Variants in DNAAF9 observed in about 807,000 individuals in gnomAD.
DNAAF9 encodes the protein dynein axonemal assembly factor 9, also known as shulin.
Under a neutral mutation model 167.0 loss-of-function variants are expected in DNAAF9, and 90 were observed. The ratio of observed to expected loss-of-function variants is 0.54; its 90% confidence interval spans 0.45 to 0.64. The LOEUF is 0.64. Among genes scored for constraint, DNAAF9 ranks in the 30% least tolerant of loss-of-function variants. The pLI, the probability that DNAAF9 is intolerant of heterozygous loss-of-function variation, is 0.00. For missense variants in DNAAF9, 1,315 were observed against 1,442.2 expected (o/e 0.91, Z 1.43); for synonymous variants, 491 against 508.8 (o/e 0.96, Z 0.47).
chr20:3,407,010 C>A (rs1364594888), intron 1 of DNAAF9, among the ~76,000 whole-genome samples: 1 of 151,980 alleles, frequency 6.6e-6, no homozygotes, highest in Non-Finnish European at 1.5e-5. Flanking sequence ...GGGTTCTACA[C>A]GAGGGAGCTA....
chr20:3,379,107 G>T (rs1371984563), intron 3 of DNAAF9, among the ~76,000 whole-genome samples: 1 of 151,820 alleles, frequency 6.6e-6, no homozygotes. Flanking sequence ...AGGGCTTCTG[G>T]TGTGTATTAT....
intron 10 of DNAAF9, among the ~76,000 whole-genome samples, chr20:3,337,109 G>A (rs561462495): frequency 6.6e-6 from 1 of 151,194 alleles, no homozygotes; most frequent in Non-Finnish European, 1.5e-5. Context: ...TCGATTTCCT[G>A]ACCTCGTGAT....
intron 21 of DNAAF9, among the ~76,000 whole-genome samples, chr20:3,302,013 G>T (rs999795612): frequency 6.6e-5 from 10 of 152,000 alleles, no homozygotes; most frequent in African/African-American, 2.4e-4. Flanking sequence ...TGGGATCTTG[G>T]CTCACTGCAA....
chr20:3,300,028 G>A (rs543402390), intron 21 of DNAAF9, among the ~76,000 whole-genome samples: 13 of 151,960 alleles, frequency 8.6e-5, no homozygotes, highest in Admixed American at 3.9e-4. Context: ...TCAGCCTTCC[G>A]AGTAGCTGGG....
chr20:3,274,572 C>A (rs186732077), intron 29 of DNAAF9, among the ~76,000 whole-genome samples: 2 of 152,318 alleles, frequency 1.3e-5, no homozygotes, highest in Non-Finnish European at 2.9e-5. Context: ...TGATACTAGA[C>A]AAATTGCTCT....
intron 1 of DNAAF9, among the ~76,000 whole-genome samples, chr20:3,383,326 TAC>T (rs1386965585): frequency 2.7e-5 from 4 of 145,796 alleles, no homozygotes; most frequent in South Asian, 2.2e-4. Flanking sequence ...CAGGCTGAAG[TAC>T]AGTGATCTTG....
rs376756053 is a variant in DNAAF9, at chr20:3,371,498, C to T, written c.612+2550G>A. On this transcript the variant is annotated intron_variant, in intron 6 of 36. Transcript: ENST00000252032. Reference sequence around the variant, plus strand: ...AGCTGGGACTACAGGCGCCTGCCACCACGCCCGGCTAATTTTTTGTATTTT... The same window carrying T: ...AGCTGGGACTACAGGCGCCTGCCACTACGCCCGGCTAATTTTTTGTATTTT... 5.4e-3 allele frequency among the ~76,000 whole-genome samples: 826 copies of T among 151,948 alleles called. 2 individuals are homozygous for T. Among genetic ancestry groups the T allele is most frequent in the Middle Eastern group, 6.8e-3 (2 of 292 alleles).
rs371497113 is a variant in DNAAF9 at position 3,376,248 on chromosome 20, T to A, written c.338A>T (p.Asn113Ile). 1.2e-6 allele frequency: 2 copies of A among 1,613,166 alleles called. No individual in the cohort carries two copies. The highest frequency in any genetic ancestry group is 8.5e-7 in the Non-Finnish European group (1 of 1,179,344). ...CACATAAGGTAAGAGATAGCGAAAG[T>A]TTACAGGATTACAGTACAGATGGAC... is the stretch of plus-strand genomic sequence containing the variant. ...DSVHLYCNPVNFRYLLPYVAH... is the reference protein window; with the variant it reads ...DSVHLYCNPVIFRYLLPYVAH... Residue 113 changes from asparagine to isoleucine, a missense_variant, in exon 4 of 37, where the codon AAC becomes ATC. Physicochemically the swap from Asn to Ile is moderately radical, Grantham distance 149. Around this residue, in one of 2 missense-constraint regions of DNAAF9, gnomAD observed 981 missense variants for 1,012.5 expected, o/e 0.97. Coordinates refer to ENST00000252032, the MANE Select transcript of DNAAF9 (RefSeq NM_001009984.3).
Position 3,315,679 on chromosome 20 carries a change from T to C in DNAAF9, c.1590+56A>G. On this transcript the variant is annotated intron_variant, in intron 19 of 36. Coordinates refer to ENST00000252032, the MANE Select transcript of DNAAF9 (RefSeq NM_001009984.3). The surrounding 1 kb of genome is among the most constrained non-coding windows in gnomAD (Gnocchi z 4.1). ...TGAAGCATTTTAATACCTTTATGAA[T>C]TGCTTACATTATTTTTTGATATAAT... 1 of 1,311,732 alleles carries C rather than the reference T, an allele frequency of 7.6e-7. No individual in the cohort carries two copies. Among genetic ancestry groups the C allele is most frequent in the South Asian group, 1.2e-5 (1 of 85,120 alleles). 81.3% of individuals were successfully genotyped at this position (1,311,732 alleles called of 1,614,324 possible). A position where few individuals can be genotyped will look rare whatever the true frequency, so the allele number is the denominator to read the frequency against.
intron 1 of DNAAF9, among the ~76,000 whole-genome samples, chr20:3,387,560 T>C (rs1346880300): frequency 1.3e-5 from 2 of 151,768 alleles, no homozygotes; most frequent in African/African-American, 2.4e-5. Context: ...CAAAGGAAAA[T>C]CTTTGTGACA....
At chr20:3,332,195 G>T in intron 11 of DNAAF9, 85 bp downstream of exon 11, 1 of 745,176 alleles carries the variant, frequency 1.3e-6, no homozygotes, top group Non-Finnish European at 2.3e-6. Context: ...TCCAAGCAAA[G>T]TAGTGAATTG....
chr20:3,277,697 A>G (rs1006715290), intron 29 of DNAAF9, among the ~76,000 whole-genome samples: 1 of 151,894 alleles, frequency 6.6e-6, no homozygotes, highest in Non-Finnish European at 1.5e-5. Context: ...CCTGGGGTGG[A>G]TACTGTGGAT....
intron 8 of DNAAF9, among the ~76,000 whole-genome samples, chr20:3,344,955 T>A (rs1419996173): frequency 2.0e-5 from 3 of 152,240 alleles, no homozygotes; most frequent in African/African-American, 7.2e-5. Context: ...CAGTGGCTAT[T>A]TGGATTTCCC....
chr20:3,265,781 G>A (rs932905807), intron 30 of DNAAF9, among the ~76,000 whole-genome samples: 5 of 149,558 alleles, frequency 3.3e-5, no homozygotes, highest in South Asian at 2.1e-4. Flanking sequence ...GAGTTCAAGC[G>A]ATTCTCCTGC....
chr20:3,370,131 G>T (rs573062611), intron 6 of DNAAF9, among the ~76,000 whole-genome samples: 6 of 152,252 alleles, frequency 3.9e-5, no homozygotes, highest in African/African-American at 1.4e-4. Flanking sequence ...CTATTACTGG[G>T]TCTCCATCCC....
intron 31 of DNAAF9, among the ~76,000 whole-genome samples, chr20:3,262,248 C>CT (rs953323176): frequency 0.027 from 3,583 of 131,644 alleles, 79 homozygotes; most frequent in East Asian, 0.042. Flanking sequence ...AGTTCACATT[C>CT]TTTTTTTTTT....
intron 30 of DNAAF9, among the ~76,000 whole-genome samples, chr20:3,268,851 A>G (rs987066428): frequency 2.7e-4 from 41 of 150,674 alleles, no homozygotes; most frequent in African/African-American, 1.0e-3. Flanking sequence ...TTAGTTTGTA[A>G]TTTGAACCCA....
chr20:3,356,455 T>C (rs1020025407), intron 7 of DNAAF9, among the ~76,000 whole-genome samples: 2 of 152,168 alleles, frequency 1.3e-5, no homozygotes, highest in African/African-American at 4.8e-5. Context: ...TATTTTAGAT[T>C]TTCTATCTAT....
At chr20:3,357,047 C>T (rs1374512200) in intron 7 of DNAAF9, among the ~76,000 whole-genome samples, 1 of 152,192 alleles carries the variant, frequency 6.6e-6, no homozygotes, top group Non-Finnish European at 1.5e-5. Context: ...TTTCTGCTTT[C>T]CATGCAGTGA....
Sources: allele counts gnomAD v4.1 joint callset (sites outside exome capture counted in the v4.1 genomes callset), GRCh38; gene constraint gnomAD v4.1.1; regional missense constraint gnomAD v4.1.1; non-coding constraint Gnocchi (gnomAD v3.1); transcripts MANE v1.5; gene names NCBI Gene and HGNC (gene_info 2026-07-23, HGNC 2026-07-21).